Variants in XRN1 observed in about 807,000 individuals in gnomAD.
XRN1 encodes strand-exchange protein 1 homolog.
Under a neutral mutation model 222.3 loss-of-function variants are expected in XRN1, and 67 were observed. The ratio of observed to expected loss-of-function variants is 0.30; its 90% CI spans 0.25 to 0.37. The LOEUF (loss-of-function observed/expected upper bound fraction) is 0.37. Among genes scored for constraint, XRN1 ranks in the 10% least tolerant of loss-of-function variants. The pLI is 1.00. For missense variants in XRN1, 1,707 were observed against 2,000.2 expected (o/e 0.85, Z 2.80); for synonymous variants, 643 against 652.4 (o/e 0.99, Z 0.22).
intron 2 of XRN1, among the ~76,000 whole-genome samples, chr3:142,432,056 T>C (rs2069624909): frequency 1.2e-5 from 1 of 83,934 alleles, no homozygotes; most frequent in South Asian, 2.9e-4. Context: ...GAGTTTTGCA[T>C]ATATATATGC....
intron 22 of XRN1, 80 bp downstream of exon 22, chr3:142,383,220 A>C: frequency 9.1e-7 from 1 of 1,099,390 alleles, no homozygotes; most frequent in South Asian, 1.4e-5. Context: ...TTATATTTTA[A>C]TTTAAACCTA....
At position 142,423,579 on chromosome 3, in the gene XRN1, C is replaced by A; in HGVS notation, c.691G>T (p.Gly231Cys). ...ATTTACCGTTGTGTTTTTTTGCCAC[C>A]AAATCGAACTTCTTCTCTTAAGAGA... ...FSLLREEVRF[G>C]GKKTQRVCAP... The change falls in exon 6 of 41, where the codon GGT becomes TGT. Residue 231 changes from glycine (G) to cysteine (C), a missense_variant. By Grantham distance (159) the Gly-to-Cys change is radical. Around this residue, in one of 2 missense-constraint regions of XRN1, gnomAD observed 1,234 missense variants for 1,518.2 expected, o/e 0.81. Transcript: ENST00000392981. 1 of 1,597,070 alleles carries A rather than the reference C, an allele frequency of 6.3e-7. No individual in the cohort carries two copies. The highest frequency in any genetic ancestry group is 1.1e-5 in the South Asian group (1 of 87,460).
intron 8 of XRN1, among the ~76,000 whole-genome samples, chr3:142,422,338 A>G (rs73238186): frequency 6.6e-6 from 1 of 152,014 alleles, no homozygotes; most frequent in African/African-American, 2.4e-5. Context: ...AAATAAATAA[A>G]TAATAAAAAA....
At chr3:142,389,491 T>C (rs2067636871) in intron 20 of XRN1, among the ~76,000 whole-genome samples, 1 of 152,174 alleles carries the variant, frequency 6.6e-6, no homozygotes, top group Non-Finnish European at 1.5e-5. Context: ...TAGTGAATCC[T>C]TTCCAGAACG....
intron 33 of XRN1, among the ~76,000 whole-genome samples, chr3:142,345,042 G>A (rs969456550): frequency 5.9e-5 from 9 of 152,098 alleles, no homozygotes; most frequent in Non-Finnish European, 8.8e-5. Flanking sequence ...ACATAAGGAC[G>A]GGCATATACA....
chr3:142,315,020 C>T (rs374257824), intron 39 of XRN1, among the ~76,000 whole-genome samples: 2 of 149,112 alleles, frequency 1.3e-5, no homozygotes, highest in African/African-American at 5.0e-5. Context: ...CTGCAGCCTC[C>T]GCCTCACAGG....
intron 21 of XRN1, 120 bp downstream of exon 21, chr3:142,384,403 A>G (rs2067419955): frequency 1.5e-6 from 1 of 647,408 alleles, no homozygotes; most frequent in Admixed American, 4.1e-5. Context: ...ATATTAAATG[A>G]TAATCTCTAT....
Position 142,447,891 on chromosome 3 carries a change from G to A in XRN1, c.54C>T (p.Ser18=). The change falls in exon 1 of 41, where the codon AGC becomes AGT. Residue 18 remains serine (S), a synonymous_variant. Transcript: ENST00000392981. The surrounding 1 kb of genome is among the most constrained non-coding windows in gnomAD (Gnocchi z 4.2). ...RWISERYPCL[S]EVVKEHQIPE... is the part of the protein sequence containing the mutation. ...CCACCTGATGCTCTTTCACCACTTC[G>A]CTGAGACAGGGATACCGCTCTGAGA... The A allele has an allele frequency of 6.2e-7, 1 of 1,613,706 alleles. No homozygotes were observed. The highest frequency in any genetic ancestry group is 1.3e-5 in the African/African-American group (1 of 74,974).
chr3:142,392,405 G>T (rs1169133435), intron 20 of XRN1, among the ~76,000 whole-genome samples: 1 of 151,150 alleles, frequency 6.6e-6, no homozygotes, highest in African/African-American at 2.4e-5. Flanking sequence ...GTATACATAT[G>T]CCATGCTGGT....
At position 142,447,856 on chromosome 3, in the gene XRN1, C is replaced by G. The variant is rs763256896; in HGVS notation, c.75+14G>C. On this transcript the variant is annotated intron_variant, in intron 1 of 40. Coordinates refer to ENST00000392981, the MANE Select transcript of XRN1 (RefSeq NM_001282857.2). The surrounding 1 kb of genome is among the most constrained non-coding windows in gnomAD (Gnocchi z 4.2). Reference sequence around the variant, plus strand: ...GTCCTCGGCTTTCTGAGCCGTTGCCCCTCGCTCACCCACCTGATGCTCTTT... The same window carrying G: ...GTCCTCGGCTTTCTGAGCCGTTGCCGCTCGCTCACCCACCTGATGCTCTTT... The G allele has an allele frequency of 4.3e-6, 7 of 1,612,920 alleles. No individual in the cohort carries two copies. The Admixed American group carries it at 1.2e-4, about 27-fold the overall frequency.
At chr3:142,407,422 T>C (rs1240922237) in intron 15 of XRN1, among the ~76,000 whole-genome samples, 1 of 152,158 alleles carries the variant, frequency 6.6e-6, no homozygotes, top group Admixed American at 6.5e-5. Flanking sequence ...CTCCACCTCC[T>C]GGGTTCAAGC....
chr3:142,427,632 T>C (rs2069315080), intron 2 of XRN1, among the ~76,000 whole-genome samples: 1 of 152,214 alleles, frequency 6.6e-6, no homozygotes, highest in Non-Finnish European at 1.5e-5. Context: ...CCTAAAAACA[T>C]TTAAAATGAA....
At chr3:142,320,025 T>C (rs749550882) in intron 37 of XRN1, among the ~76,000 whole-genome samples, 11 of 152,208 alleles carry the variant, frequency 7.2e-5, no homozygotes, top group African/African-American at 9.7e-5. Context: ...TGAATAGTGC[T>C]GTGATAAACA....
intron 20 of XRN1, among the ~76,000 whole-genome samples, chr3:142,394,496 A>G (rs1314322846): frequency 6.6e-6 from 1 of 152,106 alleles, no homozygotes; most frequent in East Asian, 1.9e-4. Flanking sequence ...ACTCTACTTC[A>G]ACTTATGACC....
chr3:142,333,127 A>G (rs762047486), intron 34 of XRN1, 38 bp from the exon 35 acceptor site: 3 of 1,596,722 alleles, frequency 1.9e-6, no homozygotes, highest in South Asian at 2.3e-5. Flanking sequence ...AGATGAACGT[A>G]TAATACAAGA....
At chr3:142,400,875 C>G (rs1243631736) in intron 18 of XRN1, among the ~76,000 whole-genome samples, 3 of 152,040 alleles carry the variant, frequency 2.0e-5, no homozygotes, top group Admixed American at 6.6e-5. Flanking sequence ...TGAGATTGCA[C>G]CACTGCACTC....
intron 37 of XRN1, among the ~76,000 whole-genome samples, chr3:142,324,607 A>G (rs183602109): frequency 3.1e-5 from 4 of 128,564 alleles, no homozygotes; most frequent in Admixed American, 1.6e-4. Context: ...TTGGGTATAT[A>G]CCCAGTAATG....
chr3:142,410,928 T>C (rs778135816), intron 15 of XRN1, among the ~76,000 whole-genome samples: 21 of 152,344 alleles, frequency 1.4e-4, no homozygotes, highest in South Asian at 4.1e-4. Context: ...GGAAGCAATT[T>C]CCTTTCTTCT....
At position 142,421,049 on chromosome 3, in the gene XRN1, T is replaced by G. The variant is rs1283787881; in HGVS notation, c.1140A>C (p.Glu380Asp). ...LNEAAGVAAE[E>D]ARNYKEKKKL... ...TTTTCTTTTCCTTGTAGTTCCTGGC[T>G]TCTTCTGCTGCGACACCTGCTGCTT... Residue 380 changes from glutamate to aspartate, a missense_variant, in exon 10 of 41, where the codon GAA (glutamate) becomes GAC (aspartate). Glu to Asp is a conservative substitution (Grantham distance 45). Transcript: ENST00000392981. 4 of 1,613,950 alleles carry G rather than the reference T, an allele frequency of 2.5e-6. No homozygotes were observed. In the South Asian group the frequency reaches 4.4e-5, roughly 18 times the overall value.
Sources: allele counts gnomAD v4.1 joint callset (sites outside exome capture counted in the v4.1 genomes callset), GRCh38; gene constraint gnomAD v4.1.1; regional missense constraint gnomAD v4.1.1; non-coding constraint Gnocchi (gnomAD v3.1); transcripts MANE v1.5; gene names NCBI Gene and HGNC (gene_info 2026-07-23, HGNC 2026-07-21).